PRMT7: variants seen among roughly 807,000 people sequenced by gnomAD.
The protein encoded by PRMT7 is protein arginine methyltransferase 7.
A neutral mutation model predicts 85.4 loss-of-function variants in PRMT7; 75 were observed. That is an observed-to-expected ratio of 0.88 (90% CI 0.73 to 1.06). The LOEUF is 1.06. PRMT7 is among the 50% of genes least tolerant of loss of function. The pLI is 0.00. For missense variants in PRMT7, 868 were observed against 915.2 expected, an observed-to-expected ratio of 0.95 and a Z score of 0.67; for synonymous variants, 397 against 359.5, an observed-to-expected ratio of 1.10 and a Z score of -1.18.
intron 4 of PRMT7, chr16:68,323,591 T>C (rs541797007): frequency 6.6e-6 from 1 of 152,340 alleles, no homozygotes; most frequent in South Asian, 2.1e-4. Context: ...TGCCTATCAG[T>C]TTAGAAGTGT....
intron 6 of PRMT7, among the ~76,000 whole-genome samples, chr16:68,331,835 C>T (rs1274158749): frequency 6.6e-6 from 1 of 152,164 alleles, no homozygotes; most frequent in Non-Finnish European, 1.5e-5. Flanking sequence ...TTCATAACTT[C>T]CATTTTTCTC....
intron 3 of PRMT7, among the ~76,000 whole-genome samples, chr16:68,316,401 A>G (rs199690192): frequency 8.6e-4 from 131 of 152,306 alleles, no homozygotes; most frequent in African/African-American, 3.0e-3. Flanking sequence ...TGTTCATCAT[A>G]TGGTTAAATT....
intron 6 of PRMT7, 61 bp from the exon 7 acceptor site, chr16:68,337,398 G>C: frequency 8.7e-7 from 1 of 1,154,382 alleles, no homozygotes; most frequent in Non-Finnish European, 1.3e-6. Context: ...TCCCATATTT[G>C]CTGTAAATAT....
chr16:68,323,981 C>A (rs930514497), intron 4 of PRMT7: 1 of 152,216 alleles, frequency 6.6e-6, no homozygotes, highest in Non-Finnish European at 1.5e-5. Flanking sequence ...TTTAGTGAAG[C>A]TCTCTGAGTT....
At chr16:68,333,561 A>C (rs2084226268) in intron 6 of PRMT7, among the ~76,000 whole-genome samples, 1 of 151,766 alleles carries the variant, frequency 6.6e-6, no homozygotes, top group African/African-American at 2.4e-5. Flanking sequence ...GGCCTCACAC[A>C]GTCCTTCTGC....
In PRMT7 at chr16:68,327,542, A is replaced by G. The variant is rs1013447219; in HGVS notation, c.283-1524A>G. On this transcript the variant is annotated intron_variant, in intron 5 of 18. Coordinates refer to ENST00000441236, the MANE Select transcript of PRMT7 (RefSeq NM_019023.5). ...GGCTGGAGTGTTGGTTGTTGGGGGA[A>G]TGGGGGAGGAAGACTGGGAAGGTAA... 6.6e-5 allele frequency among the ~76,000 whole-genome samples: 10 copies of G among 151,948 alleles called. 1 individual carries two copies. The highest frequency in any genetic ancestry group is 6.3e-4 in the South Asian group (3 of 4,786).
intron 14 of PRMT7, among the ~76,000 whole-genome samples, chr16:68,349,631 T>C (rs1284613138): frequency 6.6e-6 from 1 of 152,164 alleles, no homozygotes; most frequent in Non-Finnish European, 1.5e-5. Context: ...TGGTGGCACA[T>C]GTCTGTAATC....
chr16:68,321,305 A>G (rs532537331), intron 3 of PRMT7, 121 bp from the exon 4 acceptor site: 115 of 773,226 alleles, frequency 1.5e-4, no homozygotes, highest in Non-Finnish European at 2.1e-4. Flanking sequence ...AAGACAACCA[A>G]AAAATAGTTT....
At chr16:68,344,514 T>A (rs1311807966) in intron 9 of PRMT7, among the ~76,000 whole-genome samples, 1 of 152,202 alleles carries the variant, frequency 6.6e-6, no homozygotes, top group African/African-American at 2.4e-5. Context: ...AGGGTTTATA[T>A]CCCGTTCTGA....
intron 3 of PRMT7, among the ~76,000 whole-genome samples, chr16:68,320,846 G>A (rs189842206): frequency 2.0e-5 from 3 of 152,152 alleles, no homozygotes; most frequent in Non-Finnish European, 2.9e-5. Flanking sequence ...TGCTTGTATT[G>A]TAGTTCTGCT....
chr16:68,343,995 G>T (rs1253872064), intron 9 of PRMT7, among the ~76,000 whole-genome samples: 1 of 152,186 alleles, frequency 6.6e-6, no homozygotes, highest in Non-Finnish European at 1.5e-5. Flanking sequence ...TAGAGACAGG[G>T]TCTTGCTTTA....
At chr16:68,348,117 G>A (rs1482645231) in intron 13 of PRMT7, among the ~76,000 whole-genome samples, 2 of 152,094 alleles carry the variant, frequency 1.3e-5, no homozygotes, top group Non-Finnish European at 2.9e-5. Context: ...GTGCACATGC[G>A]GGAGAAATTT....
In PRMT7 at chr16:68,321,449, A is replaced by G. The variant is rs758410478; in HGVS notation, c.119A>G (p.His40Arg). Residue 40 changes from histidine to arginine, a missense_variant, in exon 4 of 19, where the codon CAT (histidine) becomes CGT (arginine). His to Arg is a conservative substitution (Grantham distance 29, BLOSUM62 0). Transcript: ENST00000441236. ...AGGTCATCTTATGCAGATATGCTACATGACAAAGACAGAGTAAGTGTAAAA... is the reference window on the plus strand; with the variant it reads ...AGGTCATCTTATGCAGATATGCTACGTGACAAAGACAGAGTAAGTGTAAAA... ...IARSSYADMLHDKDRNVKYYQ... is the reference protein window; with the variant it reads ...IARSSYADMLRDKDRNVKYYQ... 13 of 1,610,672 alleles carry G rather than the reference A, an allele frequency of 8.1e-6. No individual in the cohort carries two copies. The highest frequency in any genetic ancestry group is 1.1e-5 in the Non-Finnish European group (13 of 1,177,570).
At chr16:68,322,285 G>A (rs1440555487) in intron 4 of PRMT7, 9 of 320,322 alleles carry the variant, frequency 2.8e-5, no homozygotes, top group Admixed American at 3.6e-5. Flanking sequence ...CTGCAGCCTA[G>A]ACTTCTTGGG....
chr16:68,345,590 G>GAAAAT, intron 9 of PRMT7, 85 bp from the exon 10 acceptor site: 1 of 1,577,752 alleles, frequency 6.3e-7, no homozygotes. Flanking sequence ...CCTGAAAACT[G>GAAAAT]GCAGTTCTCT....
intron 6 of PRMT7, among the ~76,000 whole-genome samples, chr16:68,333,174 T>C (rs559544648): frequency 3.3e-5 from 5 of 152,076 alleles, no homozygotes; most frequent in Non-Finnish European, 1.5e-5. Context: ...TTTGTTTTTT[T>C]AAATTTTTAT....
At chr16:68,347,925 A>G (rs953465509) in intron 13 of PRMT7, among the ~76,000 whole-genome samples, 4 of 152,230 alleles carry the variant, frequency 2.6e-5, no homozygotes, top group South Asian at 2.1e-4. Flanking sequence ...CTCACTTCAC[A>G]TAAGCTACTG....
chr16:68,352,324 G>A lies in PRMT7; in HGVS notation c.1490G>A (p.Arg497Gln), dbSNP rs753756119. 1.3e-5 allele frequency: 21 copies of A among 1,612,694 alleles called. No homozygotes were observed. The highest frequency in any genetic ancestry group is 1.2e-4 in the South Asian group (11 of 91,086). Residue 497 changes from arginine (R) to glutamine (Q), a missense_variant, in exon 15 of 19, where the codon CGG becomes CAG. Physicochemically the swap from Arg to Gln is conservative, Grantham distance 43. Transcript: ENST00000441236. ...PWHNLYFWYV[R>Q]TAVDQHLGPG... ...CACAACCTCTACTTCTGGTACGTGC[G>A]GACCGCTGTGGACCAGCACCTGGGG...
chr16:68,327,584 C>G (rs1339126848), intron 5 of PRMT7, among the ~76,000 whole-genome samples: 1 of 152,124 alleles, frequency 6.6e-6, no homozygotes, highest in Non-Finnish European at 1.5e-5. Context: ...GCCTCCAAAG[C>G]AGTAGTTTCC....
Sources: gnomAD v4.1 joint callset for allele counts (sites outside exome capture counted in the v4.1 genomes callset) on GRCh38, gnomAD v4.1.1 for gene constraint, MANE v1.5 for transcripts, NCBI Gene and HGNC (gene_info 2026-07-23, HGNC 2026-07-21) for gene names.